The following CEP63 variants were observed in gnomAD, a reference collection of about 807,000 sequenced individuals.
The protein encoded by CEP63 is centrosomal protein of 63 kDa.
A neutral mutation model predicts 89.1 loss-of-function variants in CEP63; 84 were observed. The observed-to-expected ratio is 0.94, with a 90% CI of 0.79 to 1.13. The LOEUF is 1.13. Ranked by LOEUF, CEP63 falls within the 50% of genes most tolerant of loss-of-function variation. CEP63 has a pLI of 0.00. For missense variants in CEP63, 838 were observed against 813.3 expected, an observed-to-expected ratio of 1.03 and a Z score of -0.37; for synonymous variants, 267 against 272.5, an observed-to-expected ratio of 0.98 and a Z score of 0.20.
chr3:134,611,867 T>C, the CEP63 span, among the ~76,000 whole-genome samples: 95,497 of 152,162 alleles, frequency 0.63, 30,433 homozygotes, highest in East Asian at 0.87. Context: ...CTATAGGAAT[T>C]GGGGGAATCT....
chr3:134,744,271 A>G, the CEP63 span, among the ~76,000 whole-genome samples: 1 of 152,202 alleles, frequency 6.6e-6, no homozygotes, highest in African/African-American at 2.4e-5. Context: ...GGTCCCACAC[A>G]GTGGCCAGAT....
chr3:134,658,437 T>C, the CEP63 span, among the ~76,000 whole-genome samples: 1 of 152,214 alleles, frequency 6.6e-6, no homozygotes, highest in African/African-American at 2.4e-5. Context: ...GGCAGAGTCA[T>C]GGTCATAGCT....
chr3:134,485,788 G>C (rs1013168425), upstream of CEP63: 1 of 175,360 alleles, frequency 5.7e-6, no homozygotes, highest in African/African-American at 2.4e-5. Flanking sequence ...GTCTGGGGGT[G>C]CCACGCAAGT....
At chr3:134,572,962 G>T (rs1327347043) in intron 11 of CEP63, among the ~76,000 whole-genome samples, 1 of 152,096 alleles carries the variant, frequency 6.6e-6, no homozygotes, top group Non-Finnish European at 1.5e-5. Flanking sequence ...TGACTGATAG[G>T]AGATGGTTAT....
chr3:134,497,352 T>G (rs749033966), intron 2 of CEP63, among the ~76,000 whole-genome samples: 5 of 152,172 alleles, frequency 3.3e-5, no homozygotes, highest in African/African-American at 7.2e-5. Flanking sequence ...ACCAGTGTAC[T>G]GAAGCATTTC....
the CEP63 span, among the ~76,000 whole-genome samples, chr3:134,642,007 C>T: frequency 6.6e-6 from 1 of 152,126 alleles, no homozygotes; most frequent in Admixed American, 6.5e-5. Flanking sequence ...ATGGGCTTGT[C>T]CTTGTAGTTC....
At chr3:134,737,862 A>C in the CEP63 span, among the ~76,000 whole-genome samples, 2,539 of 152,212 alleles carry the variant, frequency 0.017, 67 homozygotes, top group African/African-American at 0.058. Flanking sequence ...CTCCTTCCCC[A>C]TGTAACCTCT....
chr3:134,531,043 A>G (rs1577104552), intron 3 of CEP63, among the ~76,000 whole-genome samples: 1 of 152,198 alleles, frequency 6.6e-6, no homozygotes, highest in South Asian at 2.1e-4. Flanking sequence ...GTGGGTTAGG[A>G]TAACTTCCTT....
chr3:134,701,856 G>A, the CEP63 span, among the ~76,000 whole-genome samples: 4 of 152,088 alleles, frequency 2.6e-5, no homozygotes, highest in African/African-American at 7.2e-5. Flanking sequence ...AGCTTCTTAA[G>A]CTGATAAGCA....
At chr3:134,751,803 C>T in the CEP63 span, among the ~76,000 whole-genome samples, 1 of 152,160 alleles carries the variant, frequency 6.6e-6, no homozygotes, top group Non-Finnish European at 1.5e-5. Context: ...CTGTTCTAAG[C>T]ACTTTCCATT....
At chr3:134,532,307 G>A (rs990455482) in intron 4 of CEP63, among the ~76,000 whole-genome samples, 4 of 152,064 alleles carry the variant, frequency 2.6e-5, no homozygotes, top group African/African-American at 9.7e-5. Flanking sequence ...AACATTTTGG[G>A]ATAAATAAGA....
chr3:134,583,763 C>G (rs1246975942), intron 10 of CEP63, among the ~76,000 whole-genome samples: 5 of 152,100 alleles, frequency 3.3e-5, no homozygotes, highest in Non-Finnish European at 7.4e-5. Context: ...CTATAAATTA[C>G]CTTGGGCAGT....
chr3:134,731,780 A>C, the CEP63 span, among the ~76,000 whole-genome samples: 1 of 152,222 alleles, frequency 6.6e-6, no homozygotes, highest in African/African-American at 2.4e-5. Flanking sequence ...TGTAGGGTAA[A>C]GTGTAAAGAA....
downstream of CEP63, chr3:134,565,051 A>G (rs745479176): frequency 1.2e-6 from 1 of 843,928 alleles, no homozygotes; most frequent in Non-Finnish European, 1.4e-6. Context: ...GTGTCTTAAC[A>G]CACATTTTCC....
chr3:134,730,870 A>G, the CEP63 span, among the ~76,000 whole-genome samples: 2 of 152,150 alleles, frequency 1.3e-5, no homozygotes, highest in African/African-American at 4.8e-5. Context: ...TAAACAAGGA[A>G]AAATCAATAC....
chr3:134,704,468 C>T, the CEP63 span, among the ~76,000 whole-genome samples: 2 of 151,900 alleles, frequency 1.3e-5, no homozygotes, highest in African/African-American at 4.8e-5. Flanking sequence ...AGAAGGCAGA[C>T]AGAGTCAGAT....
chr3:134,740,577 G>A, the CEP63 span, among the ~76,000 whole-genome samples: 4 of 152,108 alleles, frequency 2.6e-5, no homozygotes, highest in Non-Finnish European at 4.4e-5. Flanking sequence ...GATTACAGGC[G>A]TGAGCCACCG....
the CEP63 span, among the ~76,000 whole-genome samples, chr3:134,682,001 C>T: frequency 6.6e-6 from 1 of 152,186 alleles, no homozygotes; most frequent in African/African-American, 2.4e-5. Flanking sequence ...AGAGTTTGTG[C>T]CTCTGGATCA....
the CEP63 span, among the ~76,000 whole-genome samples, chr3:134,642,864 C>T: frequency 6.6e-6 from 1 of 152,162 alleles, no homozygotes; most frequent in Non-Finnish European, 1.5e-5. Flanking sequence ...ATCTTGAACA[C>T]ATGACAGCCT....
Sources: gnomAD v4.1 joint callset for allele counts (sites outside exome capture counted in the v4.1 genomes callset) on GRCh38, gnomAD v4.1.1 for gene constraint, MANE v1.5 for transcripts, NCBI Gene and HGNC (gene_info 2026-07-23, HGNC 2026-07-21) for gene names.